ABCA4: variants seen among roughly 807,000 people sequenced by gnomAD.
The protein encoded by ABCA4 is ATP binding cassette subfamily A member 4, also known as retinal-specific phospholipid-transporting ATPase ABCA4.
ABCA4 carries 196 observed loss-of-function variants against 263.7 expected under a neutral mutation model. That is an observed-to-expected ratio of 0.74 (90% CI 0.66 to 0.84). ABCA4 has a LOEUF of 0.84. Among genes scored for constraint, ABCA4 ranks in the 40% least tolerant of loss-of-function variants. ABCA4 has a pLI of 0.00. For synonymous variants in ABCA4, 1,133 were observed against 1,094.2 expected, an observed-to-expected ratio of 1.04 and a Z score of -0.70; for missense variants, 2,792 against 2,855.1, an observed-to-expected ratio of 0.98 and a Z score of 0.50.
chr1:94,065,233 C>G (rs1313011357), intron 11 of ABCA4, among the ~76,000 whole-genome samples: 1 of 152,098 alleles, frequency 6.6e-6, no homozygotes, highest in Non-Finnish European at 1.5e-5. Flanking sequence ...TCACTACTAT[C>G]TTGTCAAGTA....
At chr1:94,051,766 A>G (rs1285071734) in intron 16 of ABCA4, 68 bp from the exon 17 acceptor site, 4 of 1,209,350 alleles carry the variant, frequency 3.3e-6, no homozygotes, top group East Asian at 2.4e-5. Context: ...CCGCAGTTCT[A>G]TAAGATCTAG....
intron 7 of ABCA4, among the ~76,000 whole-genome samples, chr1:94,081,052 G>C (rs1306868457): frequency 6.6e-6 from 1 of 151,962 alleles, no homozygotes; most frequent in East Asian, 1.9e-4. Context: ...GTGAAACCCC[G>C]TCTCTATTAA....
Position 94,101,279 on chromosome 1 carries a change from C to T in ABCA4, c.570+1736G>A, listed in dbSNP as rs1329688676. Among the ~76,000 whole-genome samples the T allele has an allele frequency of 3.9e-5, 6 of 152,294 alleles. 1 individual carries two copies. In the South Asian group the frequency reaches 1.0e-3, roughly 26 times the overall value. On this transcript the variant is annotated intron_variant, in intron 5 of 49. Transcript: ENST00000370225. ...AGGCATTGTCAGGACTTGAGTTTTA[C>T]GAGCTGAAGAGAAAGCAAAGGGGAA... is the stretch of plus-strand genomic sequence containing the variant.
intron 47 of ABCA4, among the ~76,000 whole-genome samples, chr1:93,999,328 A>C (rs78081171): frequency 2.0e-5 from 3 of 152,116 alleles, no homozygotes; most frequent in African/African-American, 4.8e-5. Flanking sequence ...TTACAGGTGT[A>C]AGCCACTGCA....
At chr1:94,002,067 G>A (rs1659204259) in intron 44 of ABCA4, 75 bp from the exon 45 acceptor site, 1 of 1,607,546 alleles carries the variant, frequency 6.2e-7, no homozygotes, top group African/African-American at 1.3e-5. Context: ...AAAGCCTTGG[G>A]CTCCCAGATC....
At chr1:94,085,562 C>T (rs1287726414) in intron 6 of ABCA4, among the ~76,000 whole-genome samples, 1 of 152,110 alleles carries the variant, frequency 6.6e-6, no homozygotes, top group African/African-American at 2.4e-5. Context: ...GCCTCTAGCC[C>T]CCTCCCTTCC....
chr1:94,111,663 A>G, intron 2 of ABCA4, 84 bp from the exon 3 acceptor site: 1 of 1,533,984 alleles, frequency 6.5e-7, no homozygotes, highest in Non-Finnish European at 9.0e-7. Context: ...CTTTTTGGGA[A>G]GGGGCCCGGG....
At chr1:94,056,886 C>T (rs1232643971) in intron 14 of ABCA4, 64 bp from the exon 15 acceptor site, 1 of 1,322,384 alleles carries the variant, frequency 7.6e-7, no homozygotes, top group African/African-American at 1.5e-5. Context: ...TCATTCTGCC[C>T]TAAAGGGCTC....
In ABCA4 at chr1:94,043,420, C is replaced by T. The variant is rs61750061; in HGVS notation, c.3106G>A (p.Glu1036Lys). The change falls in exon 21 of 50, where the codon GAG (glutamate) becomes AAG (lysine). Residue 1036 changes from glutamate (E) to lysine (K), a missense_variant. By Grantham distance (56) the Glu-to-Lys change is moderately conservative. Transcript: ENST00000370225. ...FYAQLKGKSQ[E>K]EAQLEMEAML... ...GCTTCCATCTCCAGCTGGGCCTCCT[C>T]CTGGGACTTTCCTTTCAGCTGGGCA... 6 of 1,614,022 alleles carry T rather than the reference C, an allele frequency of 3.7e-6. No homozygotes were observed. The East Asian group carries it at 1.1e-4, about 30-fold the overall frequency.
intron 32 of ABCA4, 94 bp downstream of exon 32, chr1:94,023,292 C>T: frequency 9.3e-7 from 1 of 1,074,532 alleles, no homozygotes; most frequent in Non-Finnish European, 1.4e-6. Flanking sequence ...AACAGCCCCT[C>T]CTCATGGCTG....
chr1:94,088,173 A>T (rs572940222), intron 6 of ABCA4, among the ~76,000 whole-genome samples: 1 of 152,218 alleles, frequency 6.6e-6, no homozygotes, highest in East Asian at 1.9e-4. Flanking sequence ...TCTAGTGGAC[A>T]TTTTTGCTTC....
At chr1:94,109,051 C>T (rs1254859934) in intron 3 of ABCA4, among the ~76,000 whole-genome samples, 1 of 152,308 alleles carries the variant, frequency 6.6e-6, no homozygotes, top group South Asian at 2.1e-4. Flanking sequence ...GGATTACAGG[C>T]ATGAGCCACC....
In ABCA4 at chr1:93,997,604, C is replaced by T. The variant is rs139400687; in HGVS notation, c.6729+257G>A. Among the ~76,000 whole-genome samples, 148 of 151,898 alleles carry T rather than the reference C, an allele frequency of 9.7e-4. 1 individual carries two copies. The East Asian group carries it at 0.011, about 11-fold the overall frequency. ...TTGAAGGAAAAACCACCACCACAAACGAGCAAGAATGAAATAACACACCAT... is the reference window on the plus strand; with the variant it reads ...TTGAAGGAAAAACCACCACCACAAATGAGCAAGAATGAAATAACACACCAT... On this transcript the variant is annotated intron_variant, in intron 48 of 49. Transcript: ENST00000370225.
At position 94,032,375 on chromosome 1, in the gene ABCA4, G is replaced by A. The variant is rs147521671; in HGVS notation, c.3863-332C>T. On this transcript the variant is annotated intron_variant, in intron 26 of 49. Coordinates refer to ENST00000370225, the MANE Select transcript of ABCA4 (RefSeq NM_000350.3). Reference sequence around the variant, plus strand: ...AAACTGGCTGGGCACGGAGGCTCACGCCTGTCATCTCAGCACTTTGGGAGG... The same window carrying A: ...AAACTGGCTGGGCACGGAGGCTCACACCTGTCATCTCAGCACTTTGGGAGG... Among the ~76,000 whole-genome samples the A allele has an allele frequency of 1.9e-3, 293 of 152,300 alleles. 1 individual carries two copies. Among genetic ancestry groups the A allele is most frequent in the African/African-American group, 6.5e-3 (271 of 41,570 alleles).
rs1371193438 is a variant in ABCA4 at position 94,098,658 on chromosome 1, T to C, written c.768+136A>G. 3 of 1,008,140 alleles carry C rather than the reference T, an allele frequency of 3.0e-6. No individual in the cohort carries two copies. In the African/African-American group the frequency reaches 4.8e-5, roughly 16 times the overall value. The allele number at this position is 1,008,140 out of a possible 1,614,324, so 62.4% of individuals were successfully genotyped here. ...AGAAATACTATCAGTTGTGATTTTT[T>C]GAGCCCTGGGAGCCTGGAGCTTTTG... is the stretch of plus-strand genomic sequence containing the variant. On this transcript the variant is annotated intron_variant, in intron 6 of 49. Coordinates refer to ENST00000370225, the MANE Select transcript of ABCA4 (RefSeq NM_000350.3).
intron 31 of ABCA4, among the ~76,000 whole-genome samples, chr1:94,024,652 G>C (rs1228175390): frequency 1.3e-5 from 2 of 151,774 alleles, no homozygotes; most frequent in Non-Finnish European, 2.9e-5. Context: ...CTGCATTTTT[G>C]AATAACTTCT....
intron 18 of ABCA4, among the ~76,000 whole-genome samples, chr1:94,048,042 T>C (rs1290335752): frequency 6.6e-6 from 1 of 152,246 alleles, no homozygotes; most frequent in African/African-American, 2.4e-5. Context: ...GGCTTAGACT[T>C]TCCACTGTGG....
In ABCA4 at chr1:94,063,243, C is replaced by T; in HGVS notation, c.1629G>A (p.Glu543=). The change falls in exon 12 of 50, where the codon GAG becomes GAA. Residue 543 remains glutamate, a synonymous_variant. Coordinates refer to ENST00000370225, the MANE Select transcript of ABCA4 (RefSeq NM_000350.3). ...CCACTCCGGCCCAGAACATGTTTTC[C>T]TCCAGTAGAGAGAGGGCACGTTGGG... ...QLTQRALSLL[E]ENMFWAGVVF... is the part of the protein sequence containing the mutation. 1 of 1,614,170 alleles carries T rather than the reference C, an allele frequency of 6.2e-7. No homozygotes were observed. Among genetic ancestry groups the T allele is most frequent in the South Asian group, 1.1e-5 (1 of 91,080 alleles).
At chr1:94,004,734 A>C (rs915958844) in intron 44 of ABCA4, among the ~76,000 whole-genome samples, 1 of 152,228 alleles carries the variant, frequency 6.6e-6, no homozygotes, top group African/African-American at 2.4e-5. Context: ...AAACTATACA[A>C]AAATATATCC....
Sources: allele counts gnomAD v4.1 joint callset (sites outside exome capture counted in the v4.1 genomes callset), GRCh38; gene constraint gnomAD v4.1.1; transcripts MANE v1.5; gene names NCBI Gene and HGNC (gene_info 2026-07-23, HGNC 2026-07-21).